The following PFKFB3 variants were observed in gnomAD, a reference collection of about 807,000 sequenced individuals.
The protein encoded by PFKFB3 is 6-phosphofructo-2-kinase/fructose-2,6-bisphosphatase 3.
PFKFB3 carries 33 observed loss-of-function variants against 68.0 expected under a neutral mutation model. The ratio of observed to expected loss-of-function variants is 0.49; its 90% confidence interval spans 0.37 to 0.65. The LOEUF (loss-of-function observed/expected upper bound fraction) is 0.65. Among genes scored for constraint, PFKFB3 ranks in the 30% least tolerant of loss-of-function variants. PFKFB3 has a pLI of 0.00. For missense variants in PFKFB3, 586 were observed against 712.2 expected (o/e 0.82, Z 2.02); for synonymous variants, 315 against 288.2 (o/e 1.09, Z -0.94).
intron 13 of PFKFB3, among the ~76,000 whole-genome samples, chr10:6,225,743 A>T (rs1024352763): frequency 2.4e-5 from 2 of 82,706 alleles, no homozygotes; most frequent in Non-Finnish European, 5.7e-5. Flanking sequence ...ATGGCTCTTC[A>T]GATCCTGCCT....
At chr10:6,189,111 T>C (rs565372020) in intron 1 of PFKFB3, among the ~76,000 whole-genome samples, 1 of 152,278 alleles carries the variant, frequency 6.6e-6, no homozygotes, top group Non-Finnish European at 1.5e-5. Flanking sequence ...AGTGCTGGGA[T>C]TACAGGCGTG....
In PFKFB3 at chr10:6,220,805, C is replaced by G. The variant is rs145448801; in HGVS notation, c.771C>G (p.Asn257Lys). ...RTIYLCRHGE[N>K]EHNLQGRIGG... ...TCTACCTGTGCCGGCACGGCGAGAA[C>G]GAGCACAACCTCCAGGGCCGCATCG... The change falls in exon 8 of 15, where the codon AAC becomes AAG. Residue 257 changes from asparagine (N) to lysine (K), a missense_variant. Transcript: ENST00000379775. The surrounding 1 kb of genome is among the most constrained non-coding windows in gnomAD (Gnocchi z 4.1). 1.2e-6 allele frequency: 2 copies of G among 1,613,872 alleles called. No homozygotes were observed. The highest frequency in any genetic ancestry group is 1.3e-5 in the African/African-American group (1 of 75,054).
chr10:6,281,779 G>A, the PFKFB3 span, among the ~76,000 whole-genome samples: 1 of 152,018 alleles, frequency 6.6e-6, no homozygotes, highest in South Asian at 2.1e-4. Flanking sequence ...ATCCTCCTAG[G>A]GAACTAGACC....
intron 1 of PFKFB3, among the ~76,000 whole-genome samples, chr10:6,177,403 T>TCTTTCTTTCTTTCTTC (rs1842521355): frequency 6.9e-6 from 1 of 143,966 alleles, no homozygotes; most frequent in Non-Finnish European, 1.5e-5. Context: ...TTTCTTTCTT[T>TCTTTCTTTCTTTCTTC]CTTTCTTCTT....
chr10:6,285,637 A>G, the PFKFB3 span, among the ~76,000 whole-genome samples: 1 of 152,310 alleles, frequency 6.6e-6, no homozygotes, highest in South Asian at 2.1e-4. Flanking sequence ...TCTGGGTACA[A>G]TGTTATGCAG....
At chr10:6,225,003 G>A (rs1347799366) in intron 13 of PFKFB3, among the ~76,000 whole-genome samples, 2 of 151,828 alleles carry the variant, frequency 1.3e-5, no homozygotes, top group African/African-American at 4.8e-5. Context: ...GTGGGGAGGC[G>A]CTTCAGGAGA....
chr10:6,250,866 G>A (rs1846365403), intron 14 of PFKFB3, among the ~76,000 whole-genome samples: 1 of 152,152 alleles, frequency 6.6e-6, no homozygotes, highest in Non-Finnish European at 1.5e-5. Flanking sequence ...ATGGACTAAG[G>A]GACTACAACC....
chr10:6,183,617 AT>A (rs1564604092), intron 1 of PFKFB3, among the ~76,000 whole-genome samples: 1,116 of 68,782 alleles, frequency 0.016, 8 homozygotes, highest in South Asian at 0.027. Context: ...AAAAAAAAAT[AT>A]ATATATATAT....
upstream of PFKFB3, chr10:6,202,821 C>A: frequency 1.1e-6 from 1 of 948,966 alleles, no homozygotes. Context: ...CCACCCTCCT[C>A]CCCACGTGGA....
At chr10:6,244,779 G>A (rs1314569237) in intron 14 of PFKFB3, among the ~76,000 whole-genome samples, 1 of 152,152 alleles carries the variant, frequency 6.6e-6, no homozygotes, top group Non-Finnish European at 1.5e-5. Flanking sequence ...TTATGTAAAA[G>A]TGAGAAAGGC....
chr10:6,170,269 C>T (rs1842267547), intron 1 of PFKFB3, among the ~76,000 whole-genome samples: 1 of 152,186 alleles, frequency 6.6e-6, no homozygotes, highest in Non-Finnish European at 1.5e-5. Context: ...TCCTGGGCAA[C>T]TTTTTGGATT....
chr10:6,204,574 T>C (rs1423725145), intron 1 of PFKFB3, among the ~76,000 whole-genome samples: 2 of 152,226 alleles, frequency 1.3e-5, no homozygotes, highest in East Asian at 1.9e-4. Context: ...CCTGGTGGAC[T>C]TCAGGGTTCT....
intron 1 of PFKFB3, among the ~76,000 whole-genome samples, chr10:6,166,551 G>C (rs985347624): frequency 3.9e-5 from 6 of 152,288 alleles, no homozygotes; most frequent in Non-Finnish European, 5.9e-5. Context: ...GCCCAGCCCT[G>C]TTGAGCTTTG....
the PFKFB3 span, among the ~76,000 whole-genome samples, chr10:6,298,950 G>A: frequency 6.6e-6 from 1 of 152,126 alleles, no homozygotes; most frequent in Non-Finnish European, 1.5e-5. Flanking sequence ...GACACGTCTG[G>A]TTCATCTCTG....
chr10:6,223,092 C>A, intron 11 of PFKFB3, 108 bp downstream of exon 11: 1 of 1,200,478 alleles, frequency 8.3e-7, no homozygotes. Flanking sequence ...GCTGCTGTGC[C>A]ATGGGGTGTT....
chr10:6,300,484 G>A, the PFKFB3 span, among the ~76,000 whole-genome samples: 1 of 152,170 alleles, frequency 6.6e-6, no homozygotes, highest in Non-Finnish European at 1.5e-5. Flanking sequence ...CTCTCTCTGT[G>A]CCTATGCAAC....
chr10:6,256,483 C>T (rs1355524497), downstream of PFKFB3, among the ~76,000 whole-genome samples: 2 of 152,146 alleles, frequency 1.3e-5, no homozygotes, highest in African/African-American at 4.8e-5. Flanking sequence ...AGGGTTGTGC[C>T]AATAAATTCA....
At chr10:6,156,924 T>C (rs1461369987) in intron 1 of PFKFB3, among the ~76,000 whole-genome samples, 1 of 151,298 alleles carries the variant, frequency 6.6e-6, no homozygotes, top group Admixed American at 6.6e-5. Context: ...AACCCTCTTC[T>C]CTACTAAAAA....
the PFKFB3 span, among the ~76,000 whole-genome samples, chr10:6,286,550 G>A: frequency 6.6e-6 from 1 of 151,624 alleles, no homozygotes; most frequent in Non-Finnish European, 1.5e-5. Context: ...GTTAATTTTT[G>A]TATTTTTAGT....
Sources: gnomAD v4.1 joint callset for allele counts (sites outside exome capture counted in the v4.1 genomes callset) on GRCh38, gnomAD v4.1.1 for gene constraint, Gnocchi (gnomAD v3.1) non-coding constraint, MANE v1.5 for transcripts, NCBI Gene and HGNC (gene_info 2026-07-23, HGNC 2026-07-21) for gene names.